Variants in CHCHD3 observed in about 807,000 individuals in gnomAD.
CHCHD3 encodes coiled-coil-helix-coiled-coil-helix domain containing 3.
CHCHD3 carries 20 observed loss-of-function variants against 38.2 expected under a neutral mutation model. That is an observed-to-expected ratio of 0.52 (90% CI 0.37 to 0.76). CHCHD3 has a LOEUF of 0.76. Ranked by LOEUF, CHCHD3 falls within the 30% of genes least tolerant of loss-of-function variation. The pLI is 0.00. For missense variants in CHCHD3, 245 were observed against 279.2 expected (o/e 0.88, Z 0.87); for synonymous variants, 82 against 100.0 (o/e 0.82, Z 1.07).
chr7:133,029,858 GA>G (rs1165458664), intron 2 of CHCHD3, among the ~76,000 whole-genome samples: 1 of 152,078 alleles, frequency 6.6e-6, no homozygotes, highest in Non-Finnish European at 1.5e-5. Context: ...AAAAACGTGG[GA>G]AGAGGACAAC....
chr7:133,055,558 GTATT>G (rs1252918095), intron 2 of CHCHD3, among the ~76,000 whole-genome samples: 1 of 144,634 alleles, frequency 6.9e-6, no homozygotes, highest in Non-Finnish European at 1.5e-5. Flanking sequence ...TAATTATTAT[GTATT>G]TATTATAATT....
At chr7:132,916,867 C>A (rs761123087) in intron 4 of CHCHD3, among the ~76,000 whole-genome samples, 18 of 152,180 alleles carry the variant, frequency 1.2e-4, no homozygotes, top group African/African-American at 4.3e-4. Flanking sequence ...AGGTGTGAAC[C>A]ACCATGCCTG....
chr7:132,808,886 T>TC (rs905517603), intron 6 of CHCHD3, among the ~76,000 whole-genome samples: 2 of 63,782 alleles, frequency 3.1e-5, no homozygotes, highest in East Asian at 4.8e-4. Context: ...CCCTCCCCCC[T>TC]CCCCCCACGA....
At chr7:133,038,294 T>C (rs1160989344) in intron 2 of CHCHD3, among the ~76,000 whole-genome samples, 1 of 152,146 alleles carries the variant, frequency 6.6e-6, no homozygotes, top group Non-Finnish European at 1.5e-5. Flanking sequence ...AAAAATGCAA[T>C]CATATACCTT....
intron 2 of CHCHD3, among the ~76,000 whole-genome samples, chr7:133,031,121 T>C (rs963277085): frequency 6.6e-6 from 1 of 152,184 alleles, no homozygotes; most frequent in Non-Finnish European, 1.5e-5. Context: ...CCTAAACTTA[T>C]ACTTGATCCT....
intron 4 of CHCHD3, among the ~76,000 whole-genome samples, chr7:132,920,964 C>T (rs1177195110): frequency 6.6e-6 from 1 of 152,128 alleles, no homozygotes; most frequent in East Asian, 1.9e-4. Context: ...GTCCACTTAC[C>T]TCCAGTACTG....
chr7:132,885,652 A>G lies in CHCHD3; in HGVS notation c.453+10T>C. 6 of 1,583,176 alleles carry G rather than the reference A, an allele frequency of 3.8e-6. No homozygotes were observed. The highest frequency in any genetic ancestry group is 5.1e-6 in the Non-Finnish European group (6 of 1,166,494). ...GTGGTAATAGAATCAATGATAAAAA[A>G]TAGTCATACCCTCTCCTCCAGTCTA... On this transcript the variant is annotated intron_variant, in intron 5 of 7. Transcript: ENST00000262570.
intron 5 of CHCHD3, among the ~76,000 whole-genome samples, chr7:132,875,817 G>A (rs1808882803): frequency 1.3e-5 from 2 of 152,184 alleles, no homozygotes. Flanking sequence ...AGTCTACACG[G>A]ACAAATTGGA....
intron 4 of CHCHD3, among the ~76,000 whole-genome samples, chr7:132,902,520 G>A (rs879408038): frequency 6.6e-6 from 1 of 152,148 alleles, no homozygotes; most frequent in Admixed American, 6.5e-5. Flanking sequence ...CCTTTGCTGG[G>A]ACATGGATGA....
intron 3 of CHCHD3, among the ~76,000 whole-genome samples, chr7:132,995,457 T>C (rs1231477916): frequency 6.6e-6 from 1 of 152,246 alleles, no homozygotes; most frequent in Non-Finnish European, 1.5e-5. Context: ...GGCACTATGC[T>C]GTATCCTCAC....
At chr7:132,908,197 G>A (rs1044806880) in intron 4 of CHCHD3, among the ~76,000 whole-genome samples, 4 of 152,152 alleles carry the variant, frequency 2.6e-5, no homozygotes, top group East Asian at 1.9e-4. Context: ...CTTGGTCTGC[G>A]GTTCAGAATC....
chr7:132,858,892 A>G (rs1808412734), intron 5 of CHCHD3, among the ~76,000 whole-genome samples: 1 of 152,206 alleles, frequency 6.6e-6, no homozygotes, highest in African/African-American at 2.4e-5. Flanking sequence ...CAATAACTCC[A>G]TCAGGTTGGT....
intron 3 of CHCHD3, among the ~76,000 whole-genome samples, chr7:132,994,278 G>C (rs894851186): frequency 6.6e-6 from 1 of 152,118 alleles, no homozygotes; most frequent in African/African-American, 2.4e-5. Context: ...GAACAACATG[G>C]TCCAGTTTTG....
chr7:133,007,872 A>T (rs2117404180), intron 3 of CHCHD3, among the ~76,000 whole-genome samples: 1 of 152,352 alleles, frequency 6.6e-6, no homozygotes, highest in Non-Finnish European at 1.5e-5. Context: ...ACCATGAATT[A>T]GATCCGAGCA....
intron 3 of CHCHD3, among the ~76,000 whole-genome samples, chr7:132,985,799 C>A (rs1307840616): frequency 9.6e-6 from 1 of 104,446 alleles, no homozygotes; most frequent in Non-Finnish European, 2.1e-5. Flanking sequence ...AGCCCCCCGC[C>A]CGGCCAGCCG....
chr7:133,030,218 T>G (rs1461850333), intron 2 of CHCHD3, among the ~76,000 whole-genome samples: 2 of 152,172 alleles, frequency 1.3e-5, no homozygotes, highest in South Asian at 4.1e-4. Context: ...CTAAGCTTCA[T>G]GGTATTTGTT....
chr7:132,991,087 T>C (rs1471891988), intron 3 of CHCHD3, among the ~76,000 whole-genome samples: 1 of 152,136 alleles, frequency 6.6e-6, no homozygotes, highest in African/African-American at 2.4e-5. Flanking sequence ...AAAATAATTA[T>C]ACAAAGTCCC....
At chr7:132,897,285 G>C (rs1262652899) in intron 4 of CHCHD3, among the ~76,000 whole-genome samples, 1 of 152,208 alleles carries the variant, frequency 6.6e-6, no homozygotes, top group Admixed American at 6.5e-5. Context: ...TGGTGTCAGT[G>C]AACTGACAAG....
intron 4 of CHCHD3, among the ~76,000 whole-genome samples, chr7:132,927,102 C>T (rs968855385): frequency 6.6e-6 from 1 of 152,162 alleles, no homozygotes; most frequent in African/African-American, 2.4e-5. Flanking sequence ...TACATATAAA[C>T]CCATGCCCCC....
Sources: allele counts gnomAD v4.1 joint callset (sites outside exome capture counted in the v4.1 genomes callset), GRCh38; gene constraint gnomAD v4.1.1; transcripts MANE v1.5; gene names NCBI Gene and HGNC (gene_info 2026-07-23, HGNC 2026-07-21).